Variants in XRCC2 observed in about 807,000 individuals in gnomAD.
XRCC2 encodes the protein DNA repair protein XRCC2.
A neutral mutation model predicts 27.3 loss-of-function variants in XRCC2; 24 were observed. The observed-to-expected ratio is 0.88, with a 90% CI of 0.64 to 1.24. The LOEUF is 1.24. Ranked by LOEUF, XRCC2 falls within the 50% of genes most tolerant of loss-of-function variation. The probability of loss-of-function intolerance (pLI) is 0.00; values close to 1 mark genes in which losing one functional copy is unlikely to be tolerated. For missense variants in XRCC2, 321 were observed against 325.8 expected (o/e 0.99, Z 0.11); for synonymous variants, 106 against 115.4 (o/e 0.92, Z 0.52).
At chr7:152,652,633 A>C (rs945328820) in intron 2 of XRCC2, among the ~76,000 whole-genome samples, 2 of 152,154 alleles carry the variant, frequency 1.3e-5, no homozygotes, top group African/African-American at 2.4e-5. Flanking sequence ...ACTTGATTAC[A>C]TTTCCTGCTA....
At chr7:152,661,682 G>A in intron 1 of XRCC2, among the ~76,000 whole-genome samples, 1 of 152,214 alleles carries the variant, frequency 6.6e-6, no homozygotes, top group Admixed American at 6.5e-5. Flanking sequence ...GCAGGACCCA[G>A]GGAAGCCCTA....
Position 152,676,085 on chromosome 7 carries a change from C to G in XRCC2, c.-6G>C. On this transcript the variant is annotated 5_prime_UTR_variant, in exon 1 of 3. Coordinates refer to ENST00000359321, the MANE Select transcript of XRCC2 (RefSeq NM_005431.2). ...CTATGGAAGGCACTACACATCGCCC[C>G]GAAGGCTCGGCGCAGGAGAGACTCA... 4 of 1,613,812 alleles carry G rather than the reference C, an allele frequency of 2.5e-6. No individual in the cohort carries two copies. The highest frequency in any genetic ancestry group is 2.5e-6 in the Non-Finnish European group (3 of 1,179,810).
At position 152,644,940 on chromosome 7, in the gene XRCC2, A is replaced by T. The variant is rs967841026; in HGVS notation, c.*3702T>A. 6.6e-6 allele frequency: 1 copy of T among 151,922 alleles called. No homozygotes were observed. Among genetic ancestry groups the T allele is most frequent in the Non-Finnish European group, 1.5e-5 (1 of 68,032 alleles). 9.4% of individuals were successfully genotyped at this position (151,922 alleles called of 1,614,324 possible). On this transcript the variant is annotated 3_prime_UTR_variant, in exon 3 of 3. Coordinates refer to ENST00000359321, the MANE Select transcript of XRCC2 (RefSeq NM_005431.2). The stretch of plus-strand genomic sequence containing the variant: ...TCATTCGATGAGTCCGATTTTTCTG[A>T]AAGAGATGATTCTGATGATTCAGAT...
chr7:152,653,010 G>A (rs1368101114), intron 2 of XRCC2, among the ~76,000 whole-genome samples: 3 of 152,130 alleles, frequency 2.0e-5, no homozygotes, highest in African/African-American at 7.2e-5. Flanking sequence ...ACTTAGCGTG[G>A]TGAGGGCCTC....
At chr7:152,675,080 G>T (rs2098040340) in intron 1 of XRCC2, among the ~76,000 whole-genome samples, 1 of 152,076 alleles carries the variant, frequency 6.6e-6, no homozygotes, top group Non-Finnish European at 1.5e-5. Context: ...CTGCATAAAA[G>T]ATCCTTCATA....
Position 152,673,732 on chromosome 7 carries a change from C to T in XRCC2, c.39+2309G>A, listed in dbSNP as rs568097294. On this transcript the variant is annotated intron_variant, in intron 1 of 2. Coordinates refer to ENST00000359321, the MANE Select transcript of XRCC2 (RefSeq NM_005431.2). ...AAATAAAAATAAAAAATAAATTAGC[C>T]GGGCATGGTGGCGTGCACCTGTAGT... Among the ~76,000 whole-genome samples, 6 of 152,010 alleles carry T rather than the reference C, an allele frequency of 3.9e-5. No individual in the cohort carries two copies. The East Asian group carries it at 7.7e-4, about 20-fold the overall frequency.
chr7:152,649,313 GC>G lies in XRCC2; in HGVS notation c.171del (p.Met57IlefsTer5). The G allele has an allele frequency of 6.2e-7, 1 of 1,610,768 alleles. No homozygotes were observed. On this transcript the variant is annotated frameshift_variant, in exon 3 of 3. Transcript: ENST00000359321. LOFTEE classifies it high-confidence loss of function. ...ATACATCGTGCTGTTAGGTGATAAA[GC>G]ATTTCTGTTTTTCCTGTTCCTTCTG... Reference protein sequence around the residue: ...HGPEGTGKTEMLYHLTARCIL... With the variant: ...HGPEGTGKTEXLYHLTARCIL...
chr7:152,650,929 T>A (rs904584154), intron 2 of XRCC2, among the ~76,000 whole-genome samples: 2 of 152,106 alleles, frequency 1.3e-5, no homozygotes, highest in Non-Finnish European at 2.9e-5. Flanking sequence ...ATTACTTTAT[T>A]TCTTATTATT....
At chr7:152,649,825 G>A (rs1402246715) in intron 2 of XRCC2, among the ~76,000 whole-genome samples, 2 of 152,120 alleles carry the variant, frequency 1.3e-5, no homozygotes, top group African/African-American at 2.4e-5. Context: ...CACAGCTGTC[G>A]CCAGTGAGAT....
chr7:152,672,136 T>C (rs1048661221), intron 1 of XRCC2, among the ~76,000 whole-genome samples: 1 of 152,204 alleles, frequency 6.6e-6, no homozygotes, highest in Non-Finnish European at 1.5e-5. Context: ...AAGTAGACAG[T>C]TGGTTTTCAC....
chr7:152,673,736 C>G (rs550742018), intron 1 of XRCC2, among the ~76,000 whole-genome samples: 4 of 152,134 alleles, frequency 2.6e-5, no homozygotes, highest in African/African-American at 7.2e-5. Flanking sequence ...ATTAGCCGGG[C>G]ATGGTGGCGT....
chr7:152,659,969 T>A (rs1333964708), intron 2 of XRCC2, among the ~76,000 whole-genome samples: 1 of 152,174 alleles, frequency 6.6e-6, no homozygotes, highest in Non-Finnish European at 1.5e-5. Context: ...AATGAACTAC[T>A]GATACGTGTT....
chr7:152,654,297 A>AC, intron 2 of XRCC2, among the ~76,000 whole-genome samples: 1 of 152,206 alleles, frequency 6.6e-6, no homozygotes, highest in South Asian at 2.1e-4. Context: ...AAAAAACAAA[A>AC]ATCTCTTTGA....
intron 2 of XRCC2, among the ~76,000 whole-genome samples, chr7:152,658,035 G>A (rs752312035): frequency 3.3e-5 from 5 of 150,878 alleles, no homozygotes; most frequent in Non-Finnish European, 5.9e-5. Flanking sequence ...GCGCAATCTC[G>A]GCTCATTGCA....
chr7:152,664,087 G>A (rs373820745), intron 1 of XRCC2: 1 of 152,334 alleles, frequency 6.6e-6, no homozygotes, highest in East Asian at 1.9e-4. Flanking sequence ...GTTGCTGGGA[G>A]AATTTAGCAC....
Position 152,676,125 on chromosome 7 carries a change from A to C in XRCC2, c.-46T>G. 1 of 1,613,140 alleles carries C rather than the reference A, an allele frequency of 6.2e-7. No homozygotes were observed. The highest frequency in any genetic ancestry group is 8.5e-7 in the Non-Finnish European group (1 of 1,179,514). On this transcript the variant is annotated 5_prime_UTR_variant, in exon 1 of 3. Transcript: ENST00000359321. ...GGAGAGACTCAACTTTCCCGCCACCAACGCCATTCACCAACTGCGCAGACT... is the reference window on the plus strand; with the variant it reads ...GGAGAGACTCAACTTTCCCGCCACCCACGCCATTCACCAACTGCGCAGACT...
chr7:152,645,278 T>A lies in XRCC2; in HGVS notation c.*3364A>T, dbSNP rs2098025283. The A allele has an allele frequency of 6.6e-6, 1 of 152,008 alleles. No individual in the cohort carries two copies. The highest frequency in any genetic ancestry group is 1.5e-5 in the Non-Finnish European group (1 of 68,000). The allele number at this position is 152,008 out of a possible 1,614,324, so 9.4% of individuals were successfully genotyped here. On this transcript the variant is annotated 3_prime_UTR_variant, in exon 3 of 3. Coordinates refer to ENST00000359321, the MANE Select transcript of XRCC2 (RefSeq NM_005431.2). ...TAAAATTCCATTTTCTTTTTTAAAA[T>A]TTATTTTTATAGAGACAGGGTCTTA...
chr7:152,669,298 TC>T (rs1327457362), intron 1 of XRCC2, among the ~76,000 whole-genome samples: 14 of 152,194 alleles, frequency 9.2e-5, no homozygotes, highest in African/African-American at 3.4e-4. Flanking sequence ...TTTCAACCAT[TC>T]CTTTAGTTGA....
At chr7:152,661,684 G>A (rs1794976165) in intron 1 of XRCC2, among the ~76,000 whole-genome samples, 1 of 152,188 alleles carries the variant, frequency 6.6e-6, no homozygotes, top group Non-Finnish European at 1.5e-5. Context: ...AGGACCCAGG[G>A]AAGCCCTACA....
Sources: allele counts gnomAD v4.1 joint callset (sites outside exome capture counted in the v4.1 genomes callset), GRCh38; gene constraint gnomAD v4.1.1; transcripts MANE v1.5; gene names NCBI Gene and HGNC (gene_info 2026-07-23, HGNC 2026-07-21).